Variants in PPHLN1 observed in about 807,000 individuals in gnomAD.
The protein encoded by PPHLN1 is periphilin-1.
A neutral mutation model predicts 51.3 loss-of-function variants in PPHLN1; 29 were observed. That is an observed-to-expected ratio of 0.57 (90% CI 0.42 to 0.77). The LOEUF is 0.77. Among genes scored for constraint, PPHLN1 ranks in the 30% least tolerant of loss-of-function variants. The probability of loss-of-function intolerance (pLI) is 0.00; values close to 1 mark genes in which losing one functional copy is unlikely to be tolerated. For synonymous variants in PPHLN1, 147 were observed against 147.8 expected, an observed-to-expected ratio of 0.99 and a Z score of 0.04; for missense variants, 436 against 438.4, an observed-to-expected ratio of 0.99 and a Z score of 0.05.
At chr12:42,371,609 T>C (rs1032178244) in intron 4 of PPHLN1, among the ~76,000 whole-genome samples, 14 of 152,218 alleles carry the variant, frequency 9.2e-5, no homozygotes, top group African/African-American at 3.4e-4. Flanking sequence ...TGTGATGCTT[T>C]TCCCACCATC....
Position 42,336,771 on chromosome 12 carries a change from C to T in PPHLN1, c.72+797C>T, listed in dbSNP as rs1435152109. 3.3e-5 allele frequency among the ~76,000 whole-genome samples: 5 copies of T among 152,158 alleles called. No individual in the cohort carries two copies. The East Asian group carries it at 7.7e-4, about 23-fold the overall frequency. On this transcript the variant is annotated intron_variant, in intron 2 of 9. Transcript: ENST00000358314. ...GTTAAAAAGCTAACTTAAACTTTTG[C>T]ACAGACCCATTCTAAGCACCAAGGG... is the stretch of plus-strand genomic sequence containing the variant.
chr12:42,402,866 TC>T lies in PPHLN1; in HGVS notation c.909+3873del, dbSNP rs2078963579. On this transcript the variant is annotated intron_variant, in intron 9 of 9. Transcript: ENST00000358314. ...TGTTGTAGCTGTGGCCATTTTCTCT[TC>T]TTACAGTGTCTCATTTCAGCTACTA... Among the ~76,000 whole-genome samples, 4 of 152,314 alleles carry T rather than the reference TC, an allele frequency of 2.6e-5. No individual in the cohort carries two copies. In the South Asian group the frequency reaches 8.3e-4, roughly 32 times the overall value.
chr12:42,410,992 A>G (rs1325883140), intron 9 of PPHLN1, among the ~76,000 whole-genome samples: 1 of 152,086 alleles, frequency 6.6e-6, no homozygotes, highest in Non-Finnish European at 1.5e-5. Flanking sequence ...AAGGTGATTT[A>G]TGTTAAATTA....
rs1472540665 is a variant in PPHLN1, at chr12:42,332,703, G to A, written c.-20-3180G>A. 14 of 1,499,090 alleles carry A rather than the reference G, an allele frequency of 9.3e-6. No individual in the cohort carries two copies. In the East Asian group the frequency reaches 1.1e-4, roughly 12 times the overall value. 92.9% of individuals were successfully genotyped at this position (1,499,090 alleles called of 1,614,324 possible). On this transcript the variant is annotated intron_variant, in intron 1 of 9. Coordinates refer to ENST00000358314, the MANE Select transcript of PPHLN1 (RefSeq NM_201439.2). Reference sequence around the variant, plus strand: ...AAATTTGATTCCTAAAAGGACTCAAGTAAGTATAGTATAGTAGTATTTAAT... The same window carrying A: ...AAATTTGATTCCTAAAAGGACTCAAATAAGTATAGTATAGTAGTATTTAAT...
At chr12:42,350,693 G>C (rs193114223) in intron 2 of PPHLN1, among the ~76,000 whole-genome samples, 7 of 152,172 alleles carry the variant, frequency 4.6e-5, no homozygotes, top group African/African-American at 1.7e-4. Flanking sequence ...TTGAGTGAGC[G>C]AGACTCTGTC....
rs534895808 is a variant in PPHLN1 at position 42,383,808 on chromosome 12, GTC to G, written c.512-1128_512-1127del. 3.7e-3 allele frequency among the ~76,000 whole-genome samples: 561 copies of G among 151,646 alleles called. 4 individuals carry two copies. The highest frequency in any genetic ancestry group is 0.013 in the African/African-American group (527 of 41,372). On this transcript the variant is annotated intron_variant, in intron 5 of 9. Transcript: ENST00000358314. ...AGGCTGGCCAAGATGGTGAAACCTC[GTC>G]TCTACTAAAAAATACAAAAAAAAAT...
chr12:42,377,620 G>A (rs1369458873), intron 5 of PPHLN1, among the ~76,000 whole-genome samples: 1 of 151,958 alleles, frequency 6.6e-6, no homozygotes, highest in Non-Finnish European at 1.5e-5. Context: ...ACCTGTTTTT[G>A]GGATGTGTAT....
chr12:42,339,814 CAT>C, intron 2 of PPHLN1, among the ~76,000 whole-genome samples: 1 of 152,202 alleles, frequency 6.6e-6, no homozygotes, highest in East Asian at 1.9e-4. Context: ...CTAGATGTAA[CAT>C]GGTATAAAAT....
Position 42,387,501 on chromosome 12 carries a change from C to T in PPHLN1, c.614C>T (p.Ser205Leu). ...VQSLKTSRDTSPSSGSAVSSS... is the reference protein window; with the variant it reads ...VQSLKTSRDTLPSSGSAVSSS... Reference sequence around the variant, plus strand: ...TCTTTGAAAACATCAAGAGATACTTCACCCTCAAGTGGTTCAGCAGTTTCT... The same window carrying T: ...TCTTTGAAAACATCAAGAGATACTTTACCCTCAAGTGGTTCAGCAGTTTCT... The change falls in exon 7 of 10, where the codon TCA becomes TTA. Residue 205 changes from serine (S) to leucine (L), a missense_variant. Transcript: ENST00000358314. The T allele has an allele frequency of 6.2e-7, 1 of 1,613,544 alleles. No homozygotes were observed. The highest frequency in any genetic ancestry group is 8.5e-7 in the Non-Finnish European group (1 of 1,179,826).
At chr12:42,379,288 A>G (rs1430949460) in intron 5 of PPHLN1, among the ~76,000 whole-genome samples, 3 of 152,020 alleles carry the variant, frequency 2.0e-5, no homozygotes, top group Non-Finnish European at 2.9e-5. Context: ...ATCACAATCC[A>G]GTCCTTTTAT....
intron 4 of PPHLN1, among the ~76,000 whole-genome samples, chr12:42,358,622 T>C (rs1023229411): frequency 3.3e-5 from 5 of 152,202 alleles, no homozygotes; most frequent in African/African-American, 9.6e-5. Flanking sequence ...CCTAGGATGG[T>C]CTTGAACTCC....
At position 42,441,942 on chromosome 12, in the gene PPHLN1, T is replaced by C; in HGVS notation, c.*433T>C. ...AAGTGTACTATCCTAATAAACTGAA[T>C]ACTTTGGTATCTTAGAGAATATTTG... is the stretch of plus-strand genomic sequence containing the variant. On this transcript the variant is annotated 3_prime_UTR_variant, in exon 10 of 10. Coordinates refer to ENST00000358314, the MANE Select transcript of PPHLN1 (RefSeq NM_201439.2). 1.0e-6 allele frequency: 1 copy of C among 963,556 alleles called. No individual in the cohort carries two copies. Among genetic ancestry groups the C allele is most frequent in the Non-Finnish European group, 1.2e-6 (1 of 809,778 alleles). The allele number at this position is 963,556 out of a possible 1,614,324, so 59.7% of individuals were successfully genotyped here. A position where few individuals can be genotyped will look rare whatever the true frequency, so the allele number is the denominator to read the frequency against.
chr12:42,428,339 G>A (rs2081683765), intron 9 of PPHLN1, among the ~76,000 whole-genome samples: 1 of 152,202 alleles, frequency 6.6e-6, no homozygotes, highest in African/African-American at 2.4e-5. Context: ...ACTTGCAACT[G>A]TGAAATCATG....
intron 9 of PPHLN1, among the ~76,000 whole-genome samples, chr12:42,429,730 T>C (rs566954163): frequency 6.6e-6 from 1 of 152,316 alleles, no homozygotes; most frequent in African/African-American, 2.4e-5. Context: ...GGCAGGCACA[T>C]TTATCTGTCA....
intron 9 of PPHLN1, among the ~76,000 whole-genome samples, chr12:42,417,726 G>T (rs1051649039): frequency 6.6e-6 from 1 of 151,642 alleles, no homozygotes; most frequent in Non-Finnish European, 1.5e-5. Flanking sequence ...AAAAAATGAC[G>T]CAAACTTAGT....
intron 9 of PPHLN1, among the ~76,000 whole-genome samples, chr12:42,433,559 G>A (rs976400934): frequency 2.6e-5 from 4 of 152,100 alleles, no homozygotes; most frequent in Non-Finnish European, 2.9e-5. Context: ...TCCTGACCTC[G>A]TGATCCACCT....
At chr12:42,413,423 G>T (rs890080676) in intron 9 of PPHLN1, among the ~76,000 whole-genome samples, 4 of 152,140 alleles carry the variant, frequency 2.6e-5, no homozygotes, top group East Asian at 3.9e-4. Flanking sequence ...ACAGTTAATT[G>T]TAAGTATTTG....
At chr12:42,405,024 C>G (rs544596516) in intron 9 of PPHLN1, among the ~76,000 whole-genome samples, 2 of 152,126 alleles carry the variant, frequency 1.3e-5, no homozygotes, top group African/African-American at 2.4e-5. Flanking sequence ...GAGACTCCGT[C>G]TAAAAAAATA....
intron 5 of PPHLN1, 128 bp from the exon 6 acceptor site, chr12:42,384,812 A>C: frequency 1.3e-6 from 1 of 778,256 alleles, no homozygotes; most frequent in South Asian, 2.1e-5. Flanking sequence ...AGGGTAGGAA[A>C]GAGTTTAGGG....
Sources: gnomAD v4.1 joint callset for allele counts (sites outside exome capture counted in the v4.1 genomes callset) on GRCh38, gnomAD v4.1.1 for gene constraint, MANE v1.5 for transcripts, NCBI Gene and HGNC (gene_info 2026-07-23, HGNC 2026-07-21) for gene names.